Variants in CAST observed in about 807,000 individuals in gnomAD.
CAST encodes the protein calpastatin, also known as MIR583 host.
Under a neutral mutation model 119.6 loss-of-function variants are expected in CAST, and 76 were observed. That is an observed-to-expected ratio of 0.64 (90% confidence interval 0.53 to 0.77). The LOEUF is 0.77. Among genes scored for constraint, CAST ranks in the 30% least tolerant of loss-of-function variants. The pLI, the probability that CAST is intolerant of heterozygous loss-of-function variation, is 0.00. For synonymous variants in CAST, 319 were observed against 331.6 expected (o/e 0.96, Z 0.41); for missense variants, 953 against 946.5 (o/e 1.01, Z -0.09).
chr5:96,445,573 T>C, the CAST span, among the ~76,000 whole-genome samples: 3 of 152,316 alleles, frequency 2.0e-5, no homozygotes, highest in African/African-American at 7.2e-5. Context: ...AGTTTCTTCA[T>C]AGATTTTAAA....
At chr5:96,588,229 G>A (rs1211461930) in intron 1 of CAST, among the ~76,000 whole-genome samples, 1 of 75,186 alleles carries the variant, frequency 1.3e-5, no homozygotes, top group East Asian at 5.7e-4. Context: ...TTGAGATGGA[G>A]TCTCACTCTG....
intron 1 of CAST, among the ~76,000 whole-genome samples, chr5:96,579,280 C>T (rs901799584): frequency 2.0e-5 from 3 of 152,254 alleles, no homozygotes; most frequent in African/African-American, 4.8e-5. Context: ...TGGGCAGGGT[C>T]CTGAGCTCAA....
chr5:96,342,212 G>C, the CAST span, among the ~76,000 whole-genome samples: 3 of 152,228 alleles, frequency 2.0e-5, no homozygotes, highest in Admixed American at 2.0e-4. Context: ...CATGGGAAGA[G>C]CCTGGAAGTT....
chr5:96,549,342 A>T (rs922008604), intron 1 of CAST, among the ~76,000 whole-genome samples: 1 of 152,274 alleles, frequency 6.6e-6, no homozygotes, highest in African/African-American at 2.4e-5. Flanking sequence ...CCATCAAAAA[A>T]TGAAACAAAC....
At chr5:96,466,513 C>T in the CAST span, among the ~76,000 whole-genome samples, 1 of 152,064 alleles carries the variant, frequency 6.6e-6, no homozygotes, top group Non-Finnish European at 1.5e-5. Flanking sequence ...TTCCCACCCA[C>T]ACTTTGTAGT....
intron 1 of CAST, among the ~76,000 whole-genome samples, chr5:96,556,966 C>T (rs1372770066): frequency 2.0e-5 from 3 of 152,004 alleles, no homozygotes; most frequent in Admixed American, 6.6e-5. Flanking sequence ...AGAGAAAGGT[C>T]GGGTTACCCA....
chr5:96,694,227 C>T (rs1425661814), intron 2 of CAST, among the ~76,000 whole-genome samples: 2 of 152,186 alleles, frequency 1.3e-5, no homozygotes, highest in Non-Finnish European at 2.9e-5. Context: ...ACATAGAACA[C>T]TTTAATGTGT....
At chr5:96,178,335 C>T in the CAST span, among the ~76,000 whole-genome samples, 1 of 152,126 alleles carries the variant, frequency 6.6e-6, no homozygotes, top group African/African-American at 2.4e-5. Flanking sequence ...CTGTTCTTGG[C>T]AGACAAAAAG....
the CAST span, among the ~76,000 whole-genome samples, chr5:96,279,683 T>G: frequency 5.3e-5 from 8 of 152,218 alleles, no homozygotes; most frequent in South Asian, 2.1e-4. Context: ...AATGTTCTTA[T>G]ACCACAGCTA....
At chr5:96,569,014 A>G (rs1430363710) in intron 1 of CAST, among the ~76,000 whole-genome samples, 2 of 152,194 alleles carry the variant, frequency 1.3e-5, no homozygotes, top group East Asian at 1.9e-4. Context: ...TTCTCTGGAC[A>G]TTGCCACTCC....
the CAST span, among the ~76,000 whole-genome samples, chr5:96,324,200 A>G: frequency 2.0e-5 from 3 of 152,234 alleles, no homozygotes; most frequent in Non-Finnish European, 4.4e-5. Context: ...GTTATTAATT[A>G]TCAGGCAATA....
In CAST at chr5:96,744,974, T is replaced by C. The variant is rs3797815; in HGVS notation, c.1201-1368T>C. Among the ~76,000 whole-genome samples, 483 of 152,330 alleles carry C rather than the reference T, an allele frequency of 3.2e-3. 27 individuals carry two copies. The East Asian group carries it at 0.062, about 20-fold the overall frequency. On this transcript the variant is annotated intron_variant, in intron 16 of 31. Coordinates refer to ENST00000675179, the MANE Select transcript of CAST (RefSeq NM_001750.7). ...TGCCATTTCAATTCAGTAGGCTCTT[T>C]TTTTTCGATGCCTACTGTATACAAA...
At chr5:96,391,406 A>T in the CAST span, 11 of 152,234 alleles carry the variant, frequency 7.2e-5, no homozygotes, top group Admixed American at 4.6e-4. Context: ...CCAGCATTGT[A>T]GGTGACTGGA....
At chr5:96,417,468 C>A in the CAST span, among the ~76,000 whole-genome samples, 1 of 151,964 alleles carries the variant, frequency 6.6e-6, no homozygotes, top group Non-Finnish European at 1.5e-5. Flanking sequence ...AGACAACTTT[C>A]AAGGACTGAT....
chr5:96,133,773 T>C, the CAST span, among the ~76,000 whole-genome samples: 2 of 152,164 alleles, frequency 1.3e-5, no homozygotes, highest in African/African-American at 4.8e-5. Flanking sequence ...CAAAGACTGA[T>C]GTACAAAATA....
chr5:96,469,065 T>C, the CAST span, among the ~76,000 whole-genome samples: 9 of 152,090 alleles, frequency 5.9e-5, no homozygotes, highest in African/African-American at 2.2e-4. Context: ...AAGAACACTG[T>C]CTCTATGTCT....
chr5:96,645,042 CT>C (rs931886190), intron 1 of CAST, among the ~76,000 whole-genome samples: 1 of 152,252 alleles, frequency 6.6e-6, no homozygotes, highest in East Asian at 1.9e-4. Context: ...CACTAATTCC[CT>C]TTTTTTGTTG....
At chr5:96,549,749 C>T (rs1437876244) in intron 1 of CAST, among the ~76,000 whole-genome samples, 1 of 152,262 alleles carries the variant, frequency 6.6e-6, no homozygotes, top group Non-Finnish European at 1.5e-5. Flanking sequence ...CCTTCTGTGC[C>T]TGTCTTGGCA....
intron 1 of CAST, among the ~76,000 whole-genome samples, chr5:96,653,522 T>A (rs1748120324): frequency 6.6e-6 from 1 of 152,212 alleles, no homozygotes; most frequent in African/African-American, 2.4e-5. Context: ...AACACCCATC[T>A]CCTTCTCTGT....
Sources: gnomAD v4.1 joint callset for allele counts (sites outside exome capture counted in the v4.1 genomes callset) on GRCh38, gnomAD v4.1.1 for gene constraint, MANE v1.5 for transcripts, NCBI Gene and HGNC (gene_info 2026-07-23, HGNC 2026-07-21) for gene names.